Variants in TIMMDC1 observed in about 807,000 individuals in gnomAD.
TIMMDC1 encodes translocase of inner mitochondrial membrane domain containing 1.
Under a neutral mutation model 32.6 loss-of-function variants are expected in TIMMDC1, and 25 were observed. The observed-to-expected ratio is 0.77, with a 90% CI of 0.56 to 1.07. TIMMDC1 has a LOEUF of 1.07. Among genes scored for constraint, TIMMDC1 ranks in the 50% least tolerant of loss-of-function variants. TIMMDC1 has a pLI of 0.00. For synonymous variants in TIMMDC1, 130 were observed against 127.6 expected (o/e 1.02, Z -0.13); for missense variants, 329 against 349.2 (o/e 0.94, Z 0.46).
At chr3:119,517,444 T>G in intron 6 of TIMMDC1, 129 bp downstream of exon 6, 1 of 626,018 alleles carries the variant, frequency 1.6e-6, no homozygotes, top group Non-Finnish European at 2.9e-6. Flanking sequence ...TACCAAGTCC[T>G]TCAACTCATA....
intron 6 of TIMMDC1, among the ~76,000 whole-genome samples, chr3:119,518,397 C>CCA (rs371573860): frequency 2.0e-5 from 3 of 151,494 alleles, no homozygotes; most frequent in African/African-American, 7.3e-5. Context: ...TTTCTGCTAA[C>CCA]CACACACACA....
intron 4 of TIMMDC1, among the ~76,000 whole-genome samples, chr3:119,510,522 G>A (rs72952944): frequency 0.044 from 6,747 of 152,180 alleles, 466 homozygotes; most frequent in African/African-American, 0.15. Flanking sequence ...AGGGGTTCTT[G>A]CAACTGTAAA....
chr3:119,506,518 C>CAAAAA (rs202052248), intron 4 of TIMMDC1, among the ~76,000 whole-genome samples: 1 of 112,826 alleles, frequency 8.9e-6, no homozygotes, highest in East Asian at 2.7e-4. Context: ...GACCCTGTCT[C>CAAAAA]AAAAAAAAAA....
In TIMMDC1 at chr3:119,498,648, C is replaced by G. The variant is rs1176270182; in HGVS notation, c.-86C>G. ...CTGGGTCAAATGCACGGATTCTCAC[C>G]TCGTACAGTTACGCTCTCCCGCGGC... is the stretch of plus-strand genomic sequence containing the variant. On this transcript the variant is annotated 5_prime_UTR_variant, in exon 1 of 7. Coordinates refer to ENST00000494664, the MANE Select transcript of TIMMDC1 (RefSeq NM_016589.4). The G allele has an allele frequency of 7.4e-7, 1 of 1,355,914 alleles. No individual in the cohort carries two copies. The highest frequency in any genetic ancestry group is 1.0e-6 in the Non-Finnish European group (1 of 968,182). 84.0% of individuals were successfully genotyped at this position (1,355,914 alleles called of 1,614,324 possible).
chr3:119,511,686 T>C (rs2081954121), intron 4 of TIMMDC1, among the ~76,000 whole-genome samples: 1 of 152,104 alleles, frequency 6.6e-6, no homozygotes, highest in African/African-American at 2.4e-5. Flanking sequence ...AAAATAATAG[T>C]ATGTGCAGGT....
chr3:119,507,916 T>C (rs955026309), intron 4 of TIMMDC1, among the ~76,000 whole-genome samples: 1 of 152,208 alleles, frequency 6.6e-6, no homozygotes, highest in African/African-American at 2.4e-5. Flanking sequence ...TCCTCTCCTT[T>C]GGTGGGACAG....
chr3:119,515,571 T>C (rs11916488), intron 5 of TIMMDC1, among the ~76,000 whole-genome samples: 16,118 of 152,250 alleles, frequency 0.11, 2,093 homozygotes, highest in African/African-American at 0.31. Flanking sequence ...CATAATATAT[T>C]CACAGTTGAG....
chr3:119,509,668 A>T (rs73187899), intron 4 of TIMMDC1, among the ~76,000 whole-genome samples: 8,724 of 151,312 alleles, frequency 0.058, 286 homozygotes, highest in Non-Finnish European at 0.074. Context: ...GGTGATGATT[A>T]TATAGCAATG....
rs1019336660 is a variant in TIMMDC1 at position 119,500,607 on chromosome 3, G to A, written c.195-88G>A. ...TATGATGAAAAATGTTGTGGTGGTA[G>A]CATTTGGGTTAATTCTGATTATAGA... is the stretch of plus-strand genomic sequence containing the variant. On this transcript the variant is annotated intron_variant, in intron 1 of 6. Coordinates refer to ENST00000494664, the MANE Select transcript of TIMMDC1 (RefSeq NM_016589.4). The A allele has an allele frequency of 1.7e-5, 19 of 1,138,208 alleles. No individual in the cohort carries two copies. The African/African-American group carries it at 2.4e-4, about 14-fold the overall frequency. 70.5% of individuals were successfully genotyped at this position (1,138,208 alleles called of 1,614,324 possible).
intron 5 of TIMMDC1, among the ~76,000 whole-genome samples, chr3:119,514,213 G>A (rs977903856): frequency 6.6e-6 from 1 of 152,170 alleles, no homozygotes; most frequent in African/African-American, 2.4e-5. Context: ...CTACAGAAAA[G>A]TTGAATGAAT....
At position 119,524,374 on chromosome 3, in the gene TIMMDC1, G is replaced by C. The variant is rs1436087043; in HGVS notation, c.*618G>C. 2 of 152,248 alleles carry C rather than the reference G, an allele frequency of 1.3e-5. No individual in the cohort carries two copies. Among genetic ancestry groups the C allele is most frequent in the Non-Finnish European group, 2.9e-5 (2 of 68,044 alleles). 9.4% of individuals were successfully genotyped at this position (152,248 alleles called of 1,614,324 possible). ...TGCTGTAGAATACAGGAATTACTTA[G>C]AATAGAAACATAGTCATCACAACTG... is the stretch of plus-strand genomic sequence containing the variant. On this transcript the variant is annotated 3_prime_UTR_variant, in exon 7 of 7. Transcript: ENST00000494664.
rs2081841412 is a variant in TIMMDC1, at chr3:119,498,607, C to T, written c.-127C>T. On this transcript the variant is annotated 5_prime_UTR_variant, in exon 1 of 7. Coordinates refer to ENST00000494664, the MANE Select transcript of TIMMDC1 (RefSeq NM_016589.4). ...ACTGAAGGTGTGGGTGTCGAGCCCT[C>T]TGGCAGAGGGTTAACCTGGGTCAAA... The T allele has an allele frequency of 8.7e-6, 8 of 915,016 alleles. No homozygotes were observed. Among genetic ancestry groups the T allele is most frequent in the Admixed American group, 2.2e-5 (1 of 44,656 alleles). The allele number at this position is 915,016 out of a possible 1,614,324, so 56.7% of individuals were successfully genotyped here.
chr3:119,501,466 T>G (rs2081874973), intron 2 of TIMMDC1, among the ~76,000 whole-genome samples: 1 of 152,196 alleles, frequency 6.6e-6, no homozygotes, highest in African/African-American at 2.4e-5. Context: ...TCTGAGCTAC[T>G]TGACAGTAGG....
At chr3:119,500,886 T>C (rs763501613) in intron 2 of TIMMDC1, 26 bp downstream of exon 2, 15 of 1,599,706 alleles carry the variant, frequency 9.4e-6, no homozygotes, top group African/African-American at 1.3e-5. Context: ...CTAAAGAAAT[T>C]TGGGGCACAC....
intron 4 of TIMMDC1, among the ~76,000 whole-genome samples, chr3:119,510,298 G>A (rs925826912): frequency 6.6e-6 from 1 of 152,042 alleles, no homozygotes. Context: ...TTTAATAAAT[G>A]TACAACTTCT....
intron 5 of TIMMDC1, among the ~76,000 whole-genome samples, chr3:119,516,690 G>A (rs1195864216): frequency 6.6e-6 from 1 of 152,160 alleles, no homozygotes; most frequent in African/African-American, 2.4e-5. Context: ...TTGGCATTGT[G>A]GGTGAGACAG....
intron 6 of TIMMDC1, among the ~76,000 whole-genome samples, chr3:119,519,640 A>T (rs1160865948): frequency 6.6e-6 from 1 of 152,178 alleles, no homozygotes; most frequent in Non-Finnish European, 1.5e-5. Context: ...CTAAAGGGAG[A>T]GATAAACCCT....
intron 2 of TIMMDC1, among the ~76,000 whole-genome samples, chr3:119,502,621 C>T (rs1034092400): frequency 3.3e-5 from 5 of 151,896 alleles, no homozygotes; most frequent in African/African-American, 9.7e-5. Flanking sequence ...TGCAGCGGCG[C>T]GATCATAGCT....
rs2082026354 is a variant in TIMMDC1 at position 119,521,465 on chromosome 3, T to C, written c.708-2141T>C. ...GGGAGGCTGAGGCAGGAGGATTGTT[T>C]GAGCCTGGGAGGTGGAGGTTGCAAT... On this transcript the variant is annotated intron_variant, in intron 6 of 6. Coordinates refer to ENST00000494664, the MANE Select transcript of TIMMDC1 (RefSeq NM_016589.4). Among the ~76,000 whole-genome samples, 3 of 152,196 alleles carry C rather than the reference T, an allele frequency of 2.0e-5. No homozygotes were observed. In the South Asian group the frequency reaches 6.2e-4, roughly 31 times the overall value.
Sources: allele counts gnomAD v4.1 joint callset (sites outside exome capture counted in the v4.1 genomes callset), GRCh38; gene constraint gnomAD v4.1.1; transcripts MANE v1.5; gene names NCBI Gene and HGNC (gene_info 2026-07-23, HGNC 2026-07-21).